Variants in ROBO1 observed in about 807,000 individuals in gnomAD.
The protein encoded by ROBO1 is roundabout homolog 1.
A neutral mutation model predicts 195.9 loss-of-function variants in ROBO1; 149 were observed. The ratio of observed to expected loss-of-function variants is 0.76; its 90% CI spans 0.67 to 0.87. The LOEUF (loss-of-function observed/expected upper bound fraction) is 0.87, where lower values mean the gene tolerates loss of function less well. ROBO1 is among the 40% of genes least tolerant of loss of function. The pLI, the probability that ROBO1 is intolerant of heterozygous loss-of-function variation, is 0.00. For missense variants in ROBO1, 1,933 were observed against 2,068.3 expected (o/e 0.93, Z 1.27); for synonymous variants, 816 against 733.2 (o/e 1.11, Z -1.82).
Position 78,639,771 on chromosome 3 carries a change from T to C in ROBO1, c.3010A>G (p.Ser1004Gly). 1 of 1,613,436 alleles carries C rather than the reference T, an allele frequency of 6.2e-7. No individual in the cohort carries two copies. The highest frequency in any genetic ancestry group is 8.5e-7 in the Non-Finnish European group (1 of 1,179,454). ...CCTAGNGNSD[S>G]NLTTYSRPAD... ...GGGCGACTGTAGGTAGTGAGGTTGCTGTCGCTGTTTCCATTGCCTGCCGTG... is the reference window on the plus strand; with the variant it reads ...GGGCGACTGTAGGTAGTGAGGTTGCCGTCGCTGTTTCCATTGCCTGCCGTG... The change falls in exon 22 of 31, where the codon AGC becomes GGC. Residue 1004 changes from serine (S) to glycine (G), a missense_variant. Ser to Gly is a moderately conservative substitution (Grantham distance 56, BLOSUM62 0). This residue lies in a region of ROBO1 where 1,737 missense variants were observed against 1,882.5 expected (regional missense o/e 0.92). Transcript: ENST00000464233.
intron 1 of ROBO1, among the ~76,000 whole-genome samples, chr3:79,679,862 G>A (rs1946891820): frequency 6.6e-6 from 1 of 151,960 alleles, no homozygotes; most frequent in Non-Finnish European, 1.5e-5. Context: ...GTAAAGGAAG[G>A]TAACAGATAT....
intron 2 of ROBO1, among the ~76,000 whole-genome samples, chr3:79,319,932 T>C (rs112222548): frequency 1.3e-5 from 2 of 152,294 alleles, no homozygotes; most frequent in Non-Finnish European, 2.9e-5. Flanking sequence ...AAGGTAATAT[T>C]AAATAACTTT....
intron 4 of ROBO1, among the ~76,000 whole-genome samples, chr3:78,872,977 T>C (rs773524948): frequency 1.1e-4 from 16 of 152,088 alleles, no homozygotes; most frequent in African/African-American, 1.9e-4. Flanking sequence ...TCAGGAAAAA[T>C]AGTACATCAT....
chr3:78,994,692 A>G (rs1176290380), intron 3 of ROBO1, among the ~76,000 whole-genome samples: 1 of 152,178 alleles, frequency 6.6e-6, no homozygotes, highest in Non-Finnish European at 1.5e-5. Context: ...AGAAAACAAG[A>G]GTTTCTTTGT....
chr3:79,374,600 A>G (rs1316275902), intron 2 of ROBO1, among the ~76,000 whole-genome samples: 1 of 152,198 alleles, frequency 6.6e-6, no homozygotes, highest in Non-Finnish European at 1.5e-5. Context: ...AGATATGTGC[A>G]TATTTTAAAT....
intron 2 of ROBO1, among the ~76,000 whole-genome samples, chr3:79,556,352 A>G (rs1178768612): frequency 6.6e-6 from 1 of 152,082 alleles, no homozygotes; most frequent in Non-Finnish European, 1.5e-5. Flanking sequence ...AAAGTATATA[A>G]ATAGATCCGC....
chr3:79,457,737 A>G (rs759303032), intron 2 of ROBO1, among the ~76,000 whole-genome samples: 1 of 152,150 alleles, frequency 6.6e-6, no homozygotes, highest in Non-Finnish European at 1.5e-5. Flanking sequence ...ACCACGTGAG[A>G]CATGACTTTG....
At chr3:79,649,080 T>C (rs1945921632) in intron 1 of ROBO1, among the ~76,000 whole-genome samples, 1 of 152,092 alleles carries the variant, frequency 6.6e-6, no homozygotes. Flanking sequence ...ATCCTCAATG[T>C]CAATCCCCAC....
chr3:79,590,425 C>A (rs9855098), intron 1 of ROBO1, among the ~76,000 whole-genome samples: 25,324 of 151,704 alleles, frequency 0.17, 3,316 homozygotes, highest in African/African-American at 0.36. Context: ...TGCATAAACA[C>A]CTTGAGGCCA....
At chr3:79,441,760 T>C (rs1171517654) in intron 2 of ROBO1, among the ~76,000 whole-genome samples, 5 of 152,020 alleles carry the variant, frequency 3.3e-5, no homozygotes, top group Non-Finnish European at 7.4e-5. Flanking sequence ...AGTGTTAGTG[T>C]AAGGAAATGT....
At chr3:78,669,965 A>T (rs1575886934) in intron 11 of ROBO1, 131 bp downstream of exon 11, 1 of 643,246 alleles carries the variant, frequency 1.6e-6, no homozygotes, top group African/African-American at 1.8e-5. Context: ...ATAAAACATC[A>T]AATTAAAAAT....
chr3:78,816,592 G>GT (rs2029944945), intron 4 of ROBO1, among the ~76,000 whole-genome samples: 1 of 152,066 alleles, frequency 6.6e-6, no homozygotes, highest in Admixed American at 6.6e-5. Flanking sequence ...ACCATTTTAG[G>GT]TGACATTTTG....
chr3:78,946,777 C>A (rs2040468666), intron 3 of ROBO1, among the ~76,000 whole-genome samples: 1 of 152,098 alleles, frequency 6.6e-6, no homozygotes, highest in South Asian at 2.1e-4. Context: ...TCAGGAGACC[C>A]ATCTCACGTG....
At chr3:78,973,384 A>G (rs2076811755) in intron 3 of ROBO1, among the ~76,000 whole-genome samples, 1 of 147,226 alleles carries the variant, frequency 6.8e-6, no homozygotes, top group Non-Finnish European at 1.5e-5. Context: ...TCTATGACTA[A>G]TACTCAATTA....
At chr3:79,323,260 T>C (rs930066727) in intron 2 of ROBO1, among the ~76,000 whole-genome samples, 11 of 152,112 alleles carry the variant, frequency 7.2e-5, no homozygotes, top group African/African-American at 2.7e-4. Context: ...TTTTGTATTT[T>C]TAGTAGAGAC....
chr3:79,044,949 T>C (rs1207565221), intron 3 of ROBO1, among the ~76,000 whole-genome samples: 2 of 152,002 alleles, frequency 1.3e-5, no homozygotes, highest in East Asian at 3.9e-4. Context: ...TATTAAATAA[T>C]AAATGAAACA....
intron 5 of ROBO1, among the ~76,000 whole-genome samples, chr3:78,724,014 A>G (rs543781252): frequency 6.6e-6 from 1 of 152,276 alleles, no homozygotes. Context: ...AAGGACCCCA[A>G]AGTAGATGAT....
chr3:79,085,812 T>G (rs765102617), intron 3 of ROBO1, among the ~76,000 whole-genome samples: 8 of 152,136 alleles, frequency 5.3e-5, no homozygotes, highest in Non-Finnish European at 8.8e-5. Context: ...AAAGTTTAGA[T>G]CTCCTGTAGT....
intron 1 of ROBO1, among the ~76,000 whole-genome samples, chr3:79,697,862 T>C (rs1251015201): frequency 6.6e-6 from 1 of 151,376 alleles, no homozygotes; most frequent in Non-Finnish European, 1.5e-5. Context: ...ATAGCAAGTA[T>C]GGCCACCATT....
Sources: gnomAD v4.1 joint callset for allele counts (sites outside exome capture counted in the v4.1 genomes callset) on GRCh38, gnomAD v4.1.1 for gene constraint, gnomAD v4.1.1 regional missense constraint, MANE v1.5 for transcripts, NCBI Gene and HGNC (gene_info 2026-07-23, HGNC 2026-07-21) for gene names.